NRIP1: variants seen among roughly 807,000 people sequenced by gnomAD.
NRIP1 encodes nuclear receptor-interacting protein 1.
A neutral mutation model predicts 75.0 loss-of-function variants in NRIP1; 28 were observed. That is an observed-to-expected ratio of 0.37 (90% CI 0.28 to 0.51). NRIP1 has a LOEUF of 0.51. NRIP1 is among the 20% of genes least tolerant of loss of function. The pLI is 0.92. For synonymous variants in NRIP1, 526 were observed against 487.6 expected (o/e 1.08, Z -1.04); for missense variants, 1,435 against 1,343.7 (o/e 1.07, Z -1.06).
chr21:14,961,278 T>C lies in NRIP1; in HGVS notation c.*3438A>G, dbSNP rs758749609. 6.6e-6 allele frequency: 1 copy of C among 152,346 alleles called. No homozygotes were observed. Among genetic ancestry groups the C allele is most frequent in the Non-Finnish European group, 1.5e-5 (1 of 67,898 alleles). 9.4% of individuals were successfully genotyped at this position (152,346 alleles called of 1,614,324 possible). A position where few individuals can be genotyped will look rare whatever the true frequency, so the allele number is the denominator to read the frequency against. ...ATTTATTCAAATTCACTGCAGGAAG[T>C]AAACACTAAAAGATTAAAAAACAAA... On this transcript the variant is annotated 3_prime_UTR_variant, in exon 4 of 4. Transcript: ENST00000318948.
At chr21:15,034,961 C>G (rs144605602) in intron 2 of NRIP1, among the ~76,000 whole-genome samples, 1 of 152,266 alleles carries the variant, frequency 6.6e-6, no homozygotes, top group African/African-American at 2.4e-5. Context: ...TAGCATTACA[C>G]TGATGCACTT....
chr21:15,052,091 G>A (rs1205904719), intron 1 of NRIP1: 1 of 152,136 alleles, frequency 6.6e-6, no homozygotes, highest in Non-Finnish European at 1.5e-5. Flanking sequence ...TCAGCCCTAA[G>A]TTCTATTCAC....
In NRIP1 at chr21:14,967,687, A is replaced by G; in HGVS notation, c.506T>C (p.Leu169Ser). 1 of 1,614,114 alleles carries G rather than the reference A, an allele frequency of 6.2e-7. No individual in the cohort carries two copies. Among genetic ancestry groups the G allele is most frequent in the Non-Finnish European group, 8.5e-7 (1 of 1,180,022 alleles). Reference sequence around the variant, plus strand: ...GCACCTTAAATCCTTCTCCACTTTTAAAGAATCATGACTGAGGGCATATCC... The same window carrying G: ...GCACCTTAAATCCTTCTCCACTTTTGAAGAATCATGACTGAGGGCATATCC... The part of the protein sequence containing the change: ...EQGYALSHDS[L>S]KVEKDLRCYG... The change falls in exon 4 of 4, where the codon TTA (leucine) becomes TCA (serine). Residue 169 changes from leucine to serine, a missense_variant. Coordinates refer to ENST00000318948, the MANE Select transcript of NRIP1 (RefSeq NM_003489.4).
At chr21:15,059,522 A>G (rs1243175377) in intron 1 of NRIP1, among the ~76,000 whole-genome samples, 2 of 152,040 alleles carry the variant, frequency 1.3e-5, no homozygotes, top group East Asian at 3.9e-4. Flanking sequence ...TGAAAGTGGA[A>G]AGAAGGAAGG....
intron 3 of NRIP1, among the ~76,000 whole-genome samples, chr21:14,985,581 A>G (rs904159589): frequency 1.3e-4 from 20 of 152,266 alleles, no homozygotes; most frequent in African/African-American, 4.8e-4. Context: ...CATGCCTGGC[A>G]AAGTATTTTA....
chr21:15,000,946 TTTA>T (rs1194354488), intron 3 of NRIP1, among the ~76,000 whole-genome samples: 1 of 152,168 alleles, frequency 6.6e-6, no homozygotes, highest in South Asian at 2.1e-4. Flanking sequence ...GAGTGATATA[TTTA>T]TTATTAACAG....
chr21:14,995,971 C>T (rs376512712), intron 3 of NRIP1, among the ~76,000 whole-genome samples: 5 of 152,196 alleles, frequency 3.3e-5, no homozygotes, highest in African/African-American at 4.8e-5. Flanking sequence ...TCCAGTGCAT[C>T]TGACCAACCT....
At chr21:14,984,887 C>T (rs1278784272) in intron 3 of NRIP1, among the ~76,000 whole-genome samples, 1 of 152,118 alleles carries the variant, frequency 6.6e-6, no homozygotes, top group African/African-American at 2.4e-5. Context: ...ATTTTTTTAG[C>T]TATAAGGTAT....
At chr21:15,009,456 G>C (rs576922953) in intron 3 of NRIP1, among the ~76,000 whole-genome samples, 64 of 152,196 alleles carry the variant, frequency 4.2e-4, no homozygotes, top group Admixed American at 3.2e-3. Flanking sequence ...AGATGGCATG[G>C]ACAAAGTGGA....
chr21:14,965,393 TA>T lies in NRIP1; in HGVS notation c.2799del (p.Phe933LeufsTer4). The T allele has an allele frequency of 6.2e-7, 1 of 1,614,044 alleles. No individual in the cohort carries two copies. Among genetic ancestry groups the T allele is most frequent in the Non-Finnish European group, 8.5e-7 (1 of 1,179,942 alleles). On this transcript the variant is annotated frameshift_variant, in exon 4 of 4. Coordinates refer to ENST00000318948, the MANE Select transcript of NRIP1 (RefSeq NM_003489.4). LOFTEE classifies it high-confidence loss of function. ...HRSWARESKS[F>X]NVLKQLLLSE... is the part of the protein sequence containing the mutation. ...GAGAGAAGCAGCTGTTTCAGAACATTAAAGCTTTTGCTCTCTCTGGCCCAAC... is the reference window on the plus strand; with the variant it reads ...GAGAGAAGCAGCTGTTTCAGAACATTAAGCTTTTGCTCTCTCTGGCCCAAC...
At chr21:14,989,862 T>C (rs2087520642) in intron 3 of NRIP1, among the ~76,000 whole-genome samples, 1 of 152,020 alleles carries the variant, frequency 6.6e-6, no homozygotes, top group Non-Finnish European at 1.5e-5. Context: ...AAAAGAACAA[T>C]TCATTTAGAC....
intron 1 of NRIP1, among the ~76,000 whole-genome samples, chr21:15,059,132 G>A (rs907675471): frequency 3.3e-5 from 5 of 152,118 alleles, no homozygotes; most frequent in Admixed American, 6.6e-5. Flanking sequence ...ATCAACATCA[G>A]GTCAACCAGA....
At chr21:14,979,473 C>T (rs1379420510) in intron 3 of NRIP1, among the ~76,000 whole-genome samples, 1 of 152,158 alleles carries the variant, frequency 6.6e-6, no homozygotes, top group Non-Finnish European at 1.5e-5. Context: ...AGAAAGATTA[C>T]CAACAGAACT....
chr21:15,039,786 T>C (rs971660931), intron 2 of NRIP1, among the ~76,000 whole-genome samples: 2 of 152,080 alleles, frequency 1.3e-5, no homozygotes, highest in Admixed American at 1.3e-4. Flanking sequence ...TGGAATAAGA[T>C]GGAAGATATG....
intron 3 of NRIP1, among the ~76,000 whole-genome samples, chr21:14,977,836 A>T (rs1452359966): frequency 6.6e-6 from 1 of 152,232 alleles, no homozygotes; most frequent in Non-Finnish European, 1.5e-5. Flanking sequence ...AACAGATGCC[A>T]AAAATAATTA....
At chr21:15,050,908 C>T (rs756546230) in intron 1 of NRIP1, 1 of 456,068 alleles carries the variant, frequency 2.2e-6, no homozygotes, top group South Asian at 1.5e-5. Flanking sequence ...AGGGATCACT[C>T]TTACAGTTTA....
At chr21:14,970,381 A>ATTTT (rs1383176484) in intron 3 of NRIP1, among the ~76,000 whole-genome samples, 2 of 152,124 alleles carry the variant, frequency 1.3e-5, no homozygotes, top group African/African-American at 4.8e-5. Flanking sequence ...CCCCATCTCT[A>ATTTT]GTAAAAATAC....
chr21:15,006,634 G>T (rs1335207454), intron 3 of NRIP1, among the ~76,000 whole-genome samples: 1 of 152,094 alleles, frequency 6.6e-6, no homozygotes, highest in Non-Finnish European at 1.5e-5. Context: ...GGTCTAAGAG[G>T]TTGCAAATTA....
intron 3 of NRIP1, among the ~76,000 whole-genome samples, chr21:14,978,666 G>A (rs1023369643): frequency 4.6e-5 from 7 of 151,998 alleles, no homozygotes; most frequent in African/African-American, 1.5e-4. Context: ...TAATTGATAC[G>A]GCAAAATAAA....
Sources: allele counts gnomAD v4.1 joint callset (sites outside exome capture counted in the v4.1 genomes callset), GRCh38; gene constraint gnomAD v4.1.1; transcripts MANE v1.5; gene names NCBI Gene and HGNC (gene_info 2026-07-23, HGNC 2026-07-21).